Variants in GRAMD2B observed in about 807,000 individuals in gnomAD.
The protein encoded by GRAMD2B is GRAM domain-containing protein 2B.
GRAMD2B carries 41 observed loss-of-function variants against 59.2 expected under a neutral mutation model. The ratio of observed to expected loss-of-function variants is 0.69; its 90% CI spans 0.54 to 0.90. The LOEUF is 0.90. Ranked by LOEUF, GRAMD2B falls within the 40% of genes least tolerant of loss-of-function variation. The probability of loss-of-function intolerance (pLI) is 0.00; values close to 1 mark genes in which losing one functional copy is unlikely to be tolerated. For synonymous variants in GRAMD2B, 161 were observed against 182.7 expected (o/e 0.88, Z 0.96); for missense variants, 424 against 500.5 (o/e 0.85, Z 1.46).
upstream of GRAMD2B, among the ~76,000 whole-genome samples, chr5:126,367,131 A>G (rs529587004): frequency 2.1e-4 from 32 of 152,212 alleles, no homozygotes; most frequent in Admixed American, 5.2e-4. Flanking sequence ...TGCTGGGATT[A>G]CAGGCGTGAG....
At chr5:126,415,799 T>A (rs1759218425) in intron 1 of GRAMD2B, among the ~76,000 whole-genome samples, 1 of 152,084 alleles carries the variant, frequency 6.6e-6, no homozygotes, top group African/African-American at 2.4e-5. Flanking sequence ...CGAAATGCTG[T>A]AATAATAGAA....
At chr5:126,441,420 T>C (rs1763275223) in intron 1 of GRAMD2B, among the ~76,000 whole-genome samples, 1 of 152,248 alleles carries the variant, frequency 6.6e-6, no homozygotes, top group Non-Finnish European at 1.5e-5. Context: ...GCAGGCTGTT[T>C]GCAACTGCTT....
At chr5:126,404,518 G>A (rs927287541) in intron 1 of GRAMD2B, among the ~76,000 whole-genome samples, 4 of 151,660 alleles carry the variant, frequency 2.6e-5, no homozygotes, top group South Asian at 4.2e-4. Flanking sequence ...CTATATTTTC[G>A]GATTCCTAAA....
intron 1 of GRAMD2B, among the ~76,000 whole-genome samples, chr5:126,410,169 C>T (rs1213844933): frequency 3.9e-5 from 6 of 151,992 alleles, no homozygotes; most frequent in Non-Finnish European, 7.4e-5. Flanking sequence ...CTTAGCAATG[C>T]GGGCTCTTTT....
At chr5:126,467,133 T>C (rs950782119) in intron 2 of GRAMD2B, among the ~76,000 whole-genome samples, 10 of 151,906 alleles carry the variant, frequency 6.6e-5, no homozygotes, top group African/African-American at 2.4e-4. Context: ...CTACTAAAAA[T>C]AAAAAATTAG....
intron 1 of GRAMD2B, among the ~76,000 whole-genome samples, chr5:126,387,336 CT>C (rs1756247250): frequency 1.3e-5 from 2 of 151,378 alleles, no homozygotes; most frequent in Non-Finnish European, 2.9e-5. Context: ...CAAAATAAAA[CT>C]TTTTTTCCCA....
chr5:126,426,126 A>T (rs1343168704), intron 1 of GRAMD2B, among the ~76,000 whole-genome samples: 2 of 152,080 alleles, frequency 1.3e-5, no homozygotes, highest in Non-Finnish European at 2.9e-5. Context: ...GTAAACAATT[A>T]TGATTTGTCA....
In GRAMD2B at chr5:126,427,859, T is replaced by G. The variant is rs370962984; in HGVS notation, c.83+4170T>G. 9.3e-4 allele frequency among the ~76,000 whole-genome samples: 142 copies of G among 152,302 alleles called. 3 individuals carry two copies. The South Asian group carries it at 0.029, about 31-fold the overall frequency. The stretch of plus-strand genomic sequence containing the variant: ...TTAGTGCTTACTTAATTCCAAACTT[T>G]GAAAGCTCCCATTTAGCAAAAGAAG... On this transcript the variant is annotated intron_variant, in intron 1 of 13. Coordinates refer to ENST00000285689, the MANE Select transcript of GRAMD2B (RefSeq NM_023927.4).
chr5:126,367,762 C>CT (rs947546039), upstream of GRAMD2B, among the ~76,000 whole-genome samples: 1 of 151,988 alleles, frequency 6.6e-6, no homozygotes, highest in Non-Finnish European at 1.5e-5. Context: ...CTTTTCTTTT[C>CT]TTTTTTTGAT....
chr5:126,467,748 G>A (rs528010470), intron 2 of GRAMD2B: 9 of 152,190 alleles, frequency 5.9e-5, no homozygotes, highest in Admixed American at 2.0e-4. Flanking sequence ...GAATTCCCAG[G>A]GAATTTATGT....
At chr5:126,453,208 G>C (rs1765681980) in intron 1 of GRAMD2B, among the ~76,000 whole-genome samples, 1 of 152,110 alleles carries the variant, frequency 6.6e-6, no homozygotes, top group Non-Finnish European at 1.5e-5. Flanking sequence ...GATGGCACAT[G>C]CCTGTAATCC....
chr5:126,431,222 T>G (rs1761525916), intron 1 of GRAMD2B, among the ~76,000 whole-genome samples: 1 of 152,168 alleles, frequency 6.6e-6, no homozygotes, highest in Admixed American at 6.5e-5. Flanking sequence ...ACTATAAATG[T>G]GTTGAACTTG....
In GRAMD2B at chr5:126,445,787, G is replaced by A. The variant is rs190510071; in HGVS notation, c.84-19639G>A. 2.6e-4 allele frequency among the ~76,000 whole-genome samples: 40 copies of A among 152,220 alleles called. No individual in the cohort carries two copies. The South Asian group carries it at 3.3e-3, about 13-fold the overall frequency. ...ACCATAATTCCTTTCATGCTGATTC[G>A]TGTCATTGGGAATCTCTCTTCTTCA... On this transcript the variant is annotated intron_variant, in intron 1 of 13. Transcript: ENST00000285689.
chr5:126,470,062 CAA>C (rs955973526), intron 3 of GRAMD2B, among the ~76,000 whole-genome samples: 11 of 152,150 alleles, frequency 7.2e-5, no homozygotes, highest in African/African-American at 2.7e-4. Flanking sequence ...GGGACCAACA[CAA>C]AGTCATGTGC....
rs139967439 is a variant in GRAMD2B at position 126,373,115 on chromosome 5, G to A, written c.125+1548G>A. ...TGAGTATTCAATATCAAATTTCTATGTTAGCATCTGTAAGTGGTTTTTTTA... is the reference window on the plus strand; with the variant it reads ...TGAGTATTCAATATCAAATTTCTATATTAGCATCTGTAAGTGGTTTTTTTA... On this transcript the variant is annotated intron_variant, in intron 1 of 8. Transcript: ENST00000506445. Among the ~76,000 whole-genome samples the A allele has an allele frequency of 9.6e-3, 1,457 of 152,242 alleles. 28 individuals carry two copies. The highest frequency in any genetic ancestry group is 0.032 in the African/African-American group (1,341 of 41,554).
At chr5:126,484,218 A>G (rs988112662) in intron 9 of GRAMD2B, among the ~76,000 whole-genome samples, 184 bp from the exon 10 acceptor site, 3 of 152,212 alleles carry the variant, frequency 2.0e-5, no homozygotes, top group African/African-American at 7.2e-5. Context: ...CTATCCTTAT[A>G]TCACTTTATT....
chr5:126,456,930 C>T (rs537125583), intron 1 of GRAMD2B, among the ~76,000 whole-genome samples: 6 of 151,896 alleles, frequency 4.0e-5, no homozygotes, highest in East Asian at 1.9e-4. Flanking sequence ...CAGTGGCTCA[C>T]GCCTGTAATC....
intron 1 of GRAMD2B, among the ~76,000 whole-genome samples, chr5:126,427,729 T>C (rs1331249789): frequency 1.3e-5 from 2 of 152,230 alleles, no homozygotes; most frequent in Non-Finnish European, 2.9e-5. Context: ...GTGCATGGCA[T>C]GTTGGAGTAC....
intron 3 of GRAMD2B, among the ~76,000 whole-genome samples, chr5:126,470,961 C>T (rs1042960371): frequency 2.6e-5 from 4 of 152,122 alleles, no homozygotes; most frequent in Admixed American, 1.3e-4. Context: ...TTAAATCAAG[C>T]GTGCAACCAC....
Sources: allele counts gnomAD v4.1 joint callset (sites outside exome capture counted in the v4.1 genomes callset), GRCh38; gene constraint gnomAD v4.1.1; transcripts MANE v1.5; gene names NCBI Gene and HGNC (gene_info 2026-07-23, HGNC 2026-07-21).